The following MYO1D variants were observed in gnomAD, a reference collection of about 807,000 sequenced individuals.
MYO1D encodes myosin ID.
MYO1D carries 83 observed loss-of-function variants against 122.0 expected under a neutral mutation model. The observed-to-expected ratio is 0.68, with a 90% CI of 0.57 to 0.82. The LOEUF (loss-of-function observed/expected upper bound fraction) is 0.82, where lower values mean the gene tolerates loss of function less well. Among genes scored for constraint, MYO1D ranks in the 40% least tolerant of loss-of-function variants. MYO1D has a pLI of 0.00. For missense variants in MYO1D, 1,157 were observed against 1,269.5 expected, an observed-to-expected ratio of 0.91 and a Z score of 1.35; for synonymous variants, 464 against 446.9, an observed-to-expected ratio of 1.04 and a Z score of -0.48.
chr17:32,660,215 C>T (rs898314892), intron 16 of MYO1D, among the ~76,000 whole-genome samples: 1 of 152,184 alleles, frequency 6.6e-6, no homozygotes, highest in African/African-American at 2.4e-5. Flanking sequence ...CTTCGATGAA[C>T]TCCTTGTACA....
At chr17:32,699,342 C>T (rs1424554041) in intron 16 of MYO1D, among the ~76,000 whole-genome samples, 1 of 152,074 alleles carries the variant, frequency 6.6e-6, no homozygotes, top group Non-Finnish European at 1.5e-5. Context: ...TATTACATAT[C>T]AAGTTTCTGA....
At chr17:32,545,729 G>A (rs543338634) in intron 21 of MYO1D, among the ~76,000 whole-genome samples, 7 of 151,184 alleles carry the variant, frequency 4.6e-5, no homozygotes, top group East Asian at 1.9e-4. Flanking sequence ...TATGCAATTC[G>A]CCACATGAAT....
intron 21 of MYO1D, chr17:32,594,069 T>C (rs989351202): frequency 6.6e-6 from 1 of 152,446 alleles, no homozygotes; most frequent in East Asian, 1.9e-4. Context: ...CCAAAATCAT[T>C]TCTCAGCTTT....
chr17:32,749,793 TAG>T (rs534996995), intron 11 of MYO1D, among the ~76,000 whole-genome samples: 10 of 152,324 alleles, frequency 6.6e-5, no homozygotes, highest in African/African-American at 2.4e-4. Context: ...CCCTGACTGA[TAG>T]AGTTTCTTTC....
At chr17:32,760,023 A>T in intron 10 of MYO1D, 1 of 660,140 alleles carries the variant, frequency 1.5e-6, no homozygotes, top group East Asian at 2.7e-5. Context: ...ATAAACCAGT[A>T]AGTCCACGTG....
At chr17:32,799,165 G>A (rs546292385) in intron 1 of MYO1D, among the ~76,000 whole-genome samples, 2 of 152,264 alleles carry the variant, frequency 1.3e-5, no homozygotes, top group South Asian at 4.1e-4. Flanking sequence ...GAATAAAAAT[G>A]TAGTGGCAAA....
At chr17:32,734,409 T>A (rs944414064) in intron 14 of MYO1D, among the ~76,000 whole-genome samples, 1 of 152,182 alleles carries the variant, frequency 6.6e-6, no homozygotes, top group Non-Finnish European at 1.5e-5. Context: ...TATTGATTAC[T>A]TTTTTGTTCC....
intron 1 of MYO1D, among the ~76,000 whole-genome samples, chr17:32,844,309 C>CATATGTATATATTATATAATATGT (rs2090913679): frequency 6.3e-5 from 9 of 142,838 alleles, no homozygotes; most frequent in African/African-American, 2.1e-4. Flanking sequence ...TTATAATATG[C>CATATGTATATATTATATAATATGT]ATATGTATAT....
At chr17:32,645,067 T>C (rs1011962743) in intron 19 of MYO1D, among the ~76,000 whole-genome samples, 5 of 152,332 alleles carry the variant, frequency 3.3e-5, no homozygotes, top group African/African-American at 9.6e-5. Context: ...TTCCTTTCCA[T>C]GTTTAGTGCT....
At chr17:32,588,970 C>CA (rs138833745) in intron 21 of MYO1D, among the ~76,000 whole-genome samples, 104 of 150,222 alleles carry the variant, frequency 6.9e-4, no homozygotes, top group East Asian at 1.8e-3. Flanking sequence ...ACAAATAAAA[C>CA]AAAAAAAAAA....
chr17:32,784,557 C>G (rs2090273235), intron 1 of MYO1D, among the ~76,000 whole-genome samples: 1 of 151,952 alleles, frequency 6.6e-6, no homozygotes, highest in Admixed American at 6.6e-5. Flanking sequence ...TATATTTTCA[C>G]TGGCTTTTAA....
intron 8 of MYO1D, 51 bp from the exon 9 acceptor site, chr17:32,760,678 C>G (rs2089992569): frequency 4.5e-6 from 7 of 1,559,182 alleles, no homozygotes; most frequent in Non-Finnish European, 6.1e-6. Flanking sequence ...AATGAGTCCT[C>G]TGTTTGGATT....
chr17:32,652,876 T>C (rs893967396), intron 19 of MYO1D, among the ~76,000 whole-genome samples: 12 of 152,240 alleles, frequency 7.9e-5, no homozygotes, highest in African/African-American at 2.9e-4. Flanking sequence ...GCGCGGTGGC[T>C]CACGCCTGTA....
rs964084295 is a variant in MYO1D, at chr17:32,593,753, T to C, written c.2864+11334A>G. On this transcript the variant is annotated intron_variant, in intron 21 of 21. Transcript: ENST00000318217. ...GAGTTCGAGACCAGTCTGGCCAACATAGTGAAACCCCATCTCTACTAAAAG... is the reference window on the plus strand; with the variant it reads ...GAGTTCGAGACCAGTCTGGCCAACACAGTGAAACCCCATCTCTACTAAAAG... Among the ~76,000 whole-genome samples the C allele has an allele frequency of 5.9e-5, 9 of 152,048 alleles. No homozygotes were observed. In the South Asian group the frequency reaches 1.0e-3, roughly 18 times the overall value.
chr17:32,698,536 GTC>G (rs2089204574), intron 16 of MYO1D, among the ~76,000 whole-genome samples: 1 of 151,982 alleles, frequency 6.6e-6, no homozygotes, highest in Non-Finnish European at 1.5e-5. Context: ...ATCACTTCAT[GTC>G]TCTATCTGAC....
intron 20 of MYO1D, among the ~76,000 whole-genome samples, chr17:32,610,470 G>A (rs942535515): frequency 4.6e-5 from 7 of 152,188 alleles, no homozygotes; most frequent in Admixed American, 2.0e-4. Flanking sequence ...TTTAGTTCTG[G>A]AAGAAAGGAT....
chr17:32,598,367 C>T (rs1350232676), intron 21 of MYO1D, among the ~76,000 whole-genome samples: 2 of 152,076 alleles, frequency 1.3e-5, no homozygotes, highest in African/African-American at 2.4e-5. Context: ...CAGCAAGACT[C>T]TGTTTCAAAA....
intron 1 of MYO1D, among the ~76,000 whole-genome samples, chr17:32,844,785 T>C (rs574546878): frequency 6.6e-6 from 1 of 152,316 alleles, no homozygotes; most frequent in African/African-American, 2.4e-5. Context: ...GTAATACTGA[T>C]GTGCATGTAC....
chr17:32,835,458 T>C (rs1027363827), intron 1 of MYO1D, among the ~76,000 whole-genome samples: 2 of 152,224 alleles, frequency 1.3e-5, no homozygotes, highest in Non-Finnish European at 1.5e-5. Flanking sequence ...CTATGCTTAG[T>C]AGAGGGCCTA....
Sources: allele counts gnomAD v4.1 joint callset (sites outside exome capture counted in the v4.1 genomes callset), GRCh38; gene constraint gnomAD v4.1.1; transcripts MANE v1.5; gene names NCBI Gene and HGNC (gene_info 2026-07-23, HGNC 2026-07-21).